Variants in ADCY10 observed in about 807,000 individuals in gnomAD.
ADCY10 encodes the protein adenylate cyclase 10.
In ADCY10, 156 loss-of-function variants were observed where a neutral mutation model predicts 183.3. The ratio of observed to expected loss-of-function variants is 0.85; its 90% CI spans 0.75 to 0.97. The LOEUF is 0.97. Among genes scored for constraint, ADCY10 ranks in the 50% least tolerant of loss-of-function variants. The pLI, the probability that ADCY10 is intolerant of heterozygous loss-of-function variation, is 0.00. For missense variants in ADCY10, 1,745 were observed against 1,934.3 expected, an observed-to-expected ratio of 0.90 and a Z score of 1.84; for synonymous variants, 645 against 670.0, an observed-to-expected ratio of 0.96 and a Z score of 0.58.
chr1:167,844,048 G>C (rs1250563839), intron 21 of ADCY10, among the ~76,000 whole-genome samples: 2 of 152,028 alleles, frequency 1.3e-5, no homozygotes, highest in Non-Finnish European at 2.9e-5. Flanking sequence ...GTTGTATCTT[G>C]GTGCTCTGGC....
intron 19 of ADCY10, among the ~76,000 whole-genome samples, chr1:167,847,263 CTT>C (rs914180684): frequency 1.4e-4 from 21 of 152,104 alleles, no homozygotes; most frequent in Non-Finnish European, 2.5e-4. Flanking sequence ...AAATGGCACT[CTT>C]TTGAAGACTG....
At position 167,847,098 on chromosome 1, in the gene ADCY10, T is replaced by C. The variant is rs538161892; in HGVS notation, c.2438-835A>G. ...CCACCACCATGCCCGGCTAATTTTT[T>C]GTGTTTGTAGGAGAGATGGGATTTC... On this transcript the variant is annotated intron_variant, in intron 19 of 32. Transcript: ENST00000367851. 4.7e-4 allele frequency among the ~76,000 whole-genome samples: 71 copies of C among 151,970 alleles called. 2 individuals are homozygous for C. The South Asian group carries it at 0.014, about 30-fold the overall frequency.
intron 9 of ADCY10, among the ~76,000 whole-genome samples, chr1:167,882,941 G>C (rs1159577273): frequency 1.3e-5 from 2 of 152,226 alleles, no homozygotes; most frequent in Admixed American, 6.5e-5. Context: ...TGAGTCAATA[G>C]AGATCAGGTC....
intron 15 of ADCY10, among the ~76,000 whole-genome samples, chr1:167,860,367 C>T (rs1315940467): frequency 6.6e-6 from 1 of 152,170 alleles, no homozygotes; most frequent in Non-Finnish European, 1.5e-5. Context: ...TCTAATGCTG[C>T]TGCTGATCTG....
At chr1:167,908,355 C>A (rs1435591402) in intron 1 of ADCY10, among the ~76,000 whole-genome samples, 4 of 151,934 alleles carry the variant, frequency 2.6e-5, no homozygotes, top group Admixed American at 6.6e-5. Context: ...CTAAAAAAGT[C>A]AAAATCATAG....
At chr1:167,857,120 A>G (rs1665970122) in intron 16 of ADCY10, among the ~76,000 whole-genome samples, 1 of 152,200 alleles carries the variant, frequency 6.6e-6, no homozygotes, top group African/African-American at 2.4e-5. Context: ...CGGAGCCTAC[A>G]TTTTAGCGTC....
At chr1:167,868,565 C>T (rs905390426) in intron 14 of ADCY10, among the ~76,000 whole-genome samples, 2 of 152,198 alleles carry the variant, frequency 1.3e-5, no homozygotes, top group South Asian at 4.2e-4. Flanking sequence ...GACTAGACAG[C>T]CCCCCACTAG....
chr1:167,874,459 A>G (rs1165647975), intron 13 of ADCY10, among the ~76,000 whole-genome samples: 1 of 152,236 alleles, frequency 6.6e-6, no homozygotes, highest in East Asian at 1.9e-4. Context: ...AATTATTGAA[A>G]GGATAAAGAT....
intron 8 of ADCY10, among the ~76,000 whole-genome samples, chr1:167,884,082 C>CA (rs1227894328): frequency 6.6e-6 from 1 of 152,174 alleles, no homozygotes; most frequent in East Asian, 1.9e-4. Flanking sequence ...TCCCCTCAAG[C>CA]ATTTATCCTT....
chr1:167,809,731 G>T lies in ADCY10; in HGVS notation c.4780C>A (p.Leu1594Ile), dbSNP rs1458999531. The change falls in exon 33 of 33, where the codon CTT becomes ATT. Residue 1594 changes from leucine to isoleucine, a missense_variant. By Grantham distance (5) the Leu-to-Ile change is conservative. Transcript: ENST00000367851. The part of the protein sequence containing the change: ...IVAGRVNIQD[L>I]QKNKFLMRAN... ...CTCATCAGGAATTTGTTTTTTTGAAGATCCTGAATGTTTACCCTGCCTGCT... is the reference window on the plus strand; with the variant it reads ...CTCATCAGGAATTTGTTTTTTTGAATATCCTGAATGTTTACCCTGCCTGCT... 1.2e-6 allele frequency: 2 copies of T among 1,614,010 alleles called. No individual in the cohort carries two copies. The highest frequency in any genetic ancestry group is 1.7e-6 in the Non-Finnish European group (2 of 1,180,016).
At chr1:167,894,942 T>C (rs1021854141) in intron 7 of ADCY10, among the ~76,000 whole-genome samples, 1 of 152,114 alleles carries the variant, frequency 6.6e-6, no homozygotes, top group Non-Finnish European at 1.5e-5. Flanking sequence ...CCCAGCACTT[T>C]GGGAGGCCAA....
chr1:167,890,081 G>A (rs1433488880), intron 8 of ADCY10, among the ~76,000 whole-genome samples: 2 of 152,206 alleles, frequency 1.3e-5, no homozygotes, highest in Non-Finnish European at 2.9e-5. Flanking sequence ...TTCCTTTGGT[G>A]AGGTCATGTT....
At chr1:167,830,601 C>T (rs1663649023) in intron 25 of ADCY10, among the ~76,000 whole-genome samples, 1 of 152,150 alleles carries the variant, frequency 6.6e-6, no homozygotes, top group African/African-American at 2.4e-5. Context: ...GCCATGTTGG[C>T]CAGGCTGGTC....
intron 8 of ADCY10, among the ~76,000 whole-genome samples, chr1:167,884,700 T>A (rs1558232434): frequency 1.4e-5 from 2 of 147,568 alleles, no homozygotes; most frequent in African/African-American, 5.0e-5. Flanking sequence ...TTTAATTTTT[T>A]TTTTTTTTTT....
At chr1:167,902,900 T>C (rs1005093637) in intron 3 of ADCY10, among the ~76,000 whole-genome samples, 6 of 152,250 alleles carry the variant, frequency 3.9e-5, no homozygotes, top group Admixed American at 1.3e-4. Flanking sequence ...AAATCATTTA[T>C]CTACTCATAC....
At chr1:167,817,805 A>G (rs536732980) in intron 31 of ADCY10, among the ~76,000 whole-genome samples, 1 of 152,360 alleles carries the variant, frequency 6.6e-6, no homozygotes, top group South Asian at 2.1e-4. Flanking sequence ...TAATATATTT[A>G]ATAGCAAATT....
At chr1:167,912,784 C>T (rs1405056288) in intron 1 of ADCY10, among the ~76,000 whole-genome samples, 1 of 152,202 alleles carries the variant, frequency 6.6e-6, no homozygotes, top group African/African-American at 2.4e-5. Context: ...GGTGTTCCTC[C>T]ACTCATCGGA....
intron 9 of ADCY10, among the ~76,000 whole-genome samples, chr1:167,882,753 G>A (rs973760035): frequency 6.6e-6 from 1 of 152,116 alleles, no homozygotes; most frequent in African/African-American, 2.4e-5. Context: ...GAGCTCAGAC[G>A]GGGATGGCAG....
At chr1:167,832,900 C>T in intron 25 of ADCY10, 87 bp downstream of exon 25, 2 of 1,447,418 alleles carry the variant, frequency 1.4e-6, no homozygotes, top group Non-Finnish European at 1.9e-6. Context: ...CCCTGGAGGC[C>T]AGGCTTTGGG....
Sources: allele counts gnomAD v4.1 joint callset (sites outside exome capture counted in the v4.1 genomes callset), GRCh38; gene constraint gnomAD v4.1.1; transcripts MANE v1.5; gene names NCBI Gene and HGNC (gene_info 2026-07-23, HGNC 2026-07-21).